KCNK2: variants seen among roughly 807,000 people sequenced by gnomAD.
KCNK2 encodes the protein potassium two pore domain channel subfamily K member 2.
A neutral mutation model predicts 40.5 loss-of-function variants in KCNK2; 21 were observed. The observed-to-expected ratio is 0.52, with a 90% CI of 0.37 to 0.75. KCNK2 has a LOEUF of 0.75. Among genes scored for constraint, KCNK2 ranks in the 30% least tolerant of loss-of-function variants. The pLI, the probability that KCNK2 is intolerant of heterozygous loss-of-function variation, is 0.00. For missense variants in KCNK2, 399 were observed against 531.6 expected (o/e 0.75, Z 2.45); for synonymous variants, 191 against 202.2 (o/e 0.94, Z 0.47).
chr1:215,092,388 C>A (rs1013514642), intron 2 of KCNK2, among the ~76,000 whole-genome samples: 1 of 152,120 alleles, frequency 6.6e-6, no homozygotes, highest in East Asian at 1.9e-4. Context: ...CTAATTGTGT[C>A]AGTTATACAT....
At chr1:215,228,091 A>C (rs911340940) in intron 6 of KCNK2, among the ~76,000 whole-genome samples, 4 of 152,244 alleles carry the variant, frequency 2.6e-5, no homozygotes, top group Admixed American at 2.0e-4. Context: ...GATTTGACCT[A>C]GAAATATGGA....
intron 5 of KCNK2, among the ~76,000 whole-genome samples, chr1:215,178,569 G>C (rs879151168): frequency 6.6e-6 from 1 of 152,054 alleles, no homozygotes; most frequent in Non-Finnish European, 1.5e-5. Flanking sequence ...TATCAGGAAG[G>C]GATGTTATAT....
chr1:215,013,066 A>G (rs1163282719), intron 1 of KCNK2, among the ~76,000 whole-genome samples: 2 of 152,158 alleles, frequency 1.3e-5, no homozygotes, highest in East Asian at 3.8e-4. Context: ...ATTCAAATTT[A>G]TGAAAAATTT....
At chr1:215,157,260 T>C (rs1028450438) in intron 3 of KCNK2, among the ~76,000 whole-genome samples, 3 of 152,172 alleles carry the variant, frequency 2.0e-5, no homozygotes, top group Non-Finnish European at 4.4e-5. Flanking sequence ...TCAGAGGAGA[T>C]ATCCCTCACG....
At chr1:215,086,197 C>G (rs1213659562) in intron 1 of KCNK2, among the ~76,000 whole-genome samples, 171 bp from the exon 2 acceptor site, 3 of 152,144 alleles carry the variant, frequency 2.0e-5, no homozygotes, top group African/African-American at 7.2e-5. Flanking sequence ...TTCCTTGAAC[C>G]CATATATGTG....
chr1:215,168,054 A>G (rs907402152), intron 3 of KCNK2, among the ~76,000 whole-genome samples: 1 of 152,180 alleles, frequency 6.6e-6, no homozygotes, highest in Non-Finnish European at 1.5e-5. Flanking sequence ...TGGGCAAAAG[A>G]TATGAACAGA....
chr1:215,180,276 G>T (rs1664170451), intron 5 of KCNK2, among the ~76,000 whole-genome samples: 1 of 152,080 alleles, frequency 6.6e-6, no homozygotes, highest in South Asian at 2.1e-4. Flanking sequence ...GTCTCTTGAA[G>T]TCAGCAGATG....
chr1:215,036,227 TA>T (rs1657379804), intron 1 of KCNK2, among the ~76,000 whole-genome samples: 1 of 151,834 alleles, frequency 6.6e-6, no homozygotes, highest in Admixed American at 6.6e-5. Context: ...TATGGTGAGA[TA>T]AACATCATGA....
At chr1:215,101,295 A>G (rs926248538) in intron 2 of KCNK2, among the ~76,000 whole-genome samples, 3 of 151,984 alleles carry the variant, frequency 2.0e-5, no homozygotes, top group African/African-American at 7.2e-5. Context: ...GCCTAATGAG[A>G]TAGAGATGGG....
At chr1:215,147,757 C>T (rs562277641) in intron 3 of KCNK2, among the ~76,000 whole-genome samples, 2 of 152,212 alleles carry the variant, frequency 1.3e-5, no homozygotes, top group South Asian at 4.1e-4. Flanking sequence ...ATTGCTTGAA[C>T]TCAGGAAATG....
chr1:215,153,679 A>G (rs1383527362), intron 3 of KCNK2, among the ~76,000 whole-genome samples: 3 of 151,962 alleles, frequency 2.0e-5, no homozygotes, highest in African/African-American at 7.3e-5. Flanking sequence ...CAGGTTCGTT[A>G]CATAGGTATA....
chr1:215,093,637 C>T lies in KCNK2; in HGVS notation c.357+6959C>T, dbSNP rs1423658251. Among the ~76,000 whole-genome samples the T allele has an allele frequency of 4.7e-5, 4 of 85,438 alleles. No homozygotes were observed. In the South Asian group the frequency reaches 9.8e-4, roughly 21 times the overall value. 56.1% of individuals were successfully genotyped at this position (85,438 alleles called of 152,430 possible). On this transcript the variant is annotated intron_variant, in intron 2 of 6. Coordinates refer to ENST00000444842, the MANE Select transcript of KCNK2 (RefSeq NM_001017425.3). ...TAATATATAATATAGAATATATATA[C>T]AATATATAATATAGAATATAGGATA...
At chr1:215,148,061 AT>A (rs1164357334) in intron 3 of KCNK2, among the ~76,000 whole-genome samples, 2 of 101,428 alleles carry the variant, frequency 2.0e-5, no homozygotes, top group African/African-American at 3.8e-5. Flanking sequence ...TTTAATTATT[AT>A]TTTTTTATTT....
Position 215,209,017 on chromosome 1 carries a change from G to T in KCNK2, c.963+13925G>T, listed in dbSNP as rs368185671. On this transcript the variant is annotated intron_variant, in intron 6 of 6. Coordinates refer to ENST00000444842, the MANE Select transcript of KCNK2 (RefSeq NM_001017425.3). ...TAATTTTTGTATTTTAGTAGAGATG[G>T]GGTATCACCATGTTGGCCAGGCTGG... 4.2e-4 allele frequency among the ~76,000 whole-genome samples: 64 copies of T among 151,338 alleles called. No individual in the cohort carries two copies. The South Asian group carries it at 0.013, about 31-fold the overall frequency.
chr1:215,204,024 C>T lies in KCNK2; in HGVS notation c.963+8932C>T, dbSNP rs192148661. Among the ~76,000 whole-genome samples, 694 of 100,234 alleles carry T rather than the reference C, an allele frequency of 6.9e-3. 18 individuals carry two copies. The South Asian group carries it at 0.082, about 12-fold the overall frequency. The allele number at this position is 100,234 out of a possible 152,430, so 65.8% of individuals were successfully genotyped here. A position where few individuals can be genotyped will look rare whatever the true frequency, so the allele number is the denominator to read the frequency against. On this transcript the variant is annotated intron_variant, in intron 6 of 6. Transcript: ENST00000444842. The stretch of plus-strand genomic sequence containing the variant: ...CTGCACTCCAGCCTGGGCGATAGAG[C>T]GAGACTCCGTCTCAAAAAAAAAAAA...
At chr1:215,136,770 C>T (rs61818330) in intron 3 of KCNK2, among the ~76,000 whole-genome samples, 6,272 of 152,246 alleles carry the variant, frequency 0.041, 182 homozygotes, top group Admixed American at 0.077. Context: ...ACTCATATGA[C>T]ATTGGCCAAA....
At chr1:215,139,610 C>T (rs1662082138) in intron 3 of KCNK2, among the ~76,000 whole-genome samples, 1 of 152,068 alleles carries the variant, frequency 6.6e-6, no homozygotes, top group Admixed American at 6.6e-5. Context: ...ATGGTGAAAT[C>T]CCATCTCTAC....
At chr1:215,039,097 A>C (rs1339302061) in intron 1 of KCNK2, among the ~76,000 whole-genome samples, 2 of 152,140 alleles carry the variant, frequency 1.3e-5, no homozygotes, top group African/African-American at 4.8e-5. Context: ...GATACAAATC[A>C]GATAGTAATT....
chr1:215,006,129 C>A (rs751105737), intron 1 of KCNK2, among the ~76,000 whole-genome samples: 1 of 152,120 alleles, frequency 6.6e-6, no homozygotes, highest in Non-Finnish European at 1.5e-5. Flanking sequence ...TTTTCCATGA[C>A]CTTGCAACAC....
Sources: allele counts gnomAD v4.1 joint callset (sites outside exome capture counted in the v4.1 genomes callset), GRCh38; gene constraint gnomAD v4.1.1; transcripts MANE v1.5; gene names NCBI Gene and HGNC (gene_info 2026-07-23, HGNC 2026-07-21).